The following ANKS1B variants were observed in gnomAD, a reference collection of about 807,000 sequenced individuals.
ANKS1B encodes the protein ankyrin repeat and sterile alpha motif domain containing 1B, also known as ankyrin repeat and sterile alpha motif domain-containing protein 1B.
A neutral mutation model predicts 148.3 loss-of-function variants in ANKS1B; 36 were observed. The observed-to-expected ratio is 0.24, with a 90% CI of 0.19 to 0.32. The LOEUF is 0.32. Among genes scored for constraint, ANKS1B ranks in the 10% least tolerant of loss-of-function variants. The probability of loss-of-function intolerance (pLI) is 1.00; values close to 1 mark genes in which losing one functional copy is unlikely to be tolerated. For missense variants in ANKS1B, 1,157 were observed against 1,542.6 expected, an observed-to-expected ratio of 0.75 and a Z score of 4.19; for synonymous variants, 542 against 560.8, an observed-to-expected ratio of 0.97 and a Z score of 0.47.
intron 1 of ANKS1B, among the ~76,000 whole-genome samples, chr12:99,889,925 T>A (rs1173928742): frequency 6.6e-6 from 1 of 152,158 alleles, no homozygotes; most frequent in African/African-American, 2.4e-5. Context: ...GGTGGGCCCA[T>A]TCATCTAGCA....
chr12:98,888,551 A>T (rs540113625), intron 17 of ANKS1B, among the ~76,000 whole-genome samples: 1 of 152,302 alleles, frequency 6.6e-6, no homozygotes, highest in African/African-American at 2.4e-5. Context: ...CTTTGCCACG[A>T]CCAGCAAGGC....
At chr12:98,985,626 A>G (rs976482646) in intron 17 of ANKS1B, among the ~76,000 whole-genome samples, 1 of 151,872 alleles carries the variant, frequency 6.6e-6, no homozygotes, top group Non-Finnish European at 1.5e-5. Flanking sequence ...TATTTCACAT[A>G]TAGTATAAAA....
chr12:98,841,765 T>A (rs1462603140), intron 17 of ANKS1B, among the ~76,000 whole-genome samples: 1 of 151,728 alleles, frequency 6.6e-6, no homozygotes, highest in Admixed American at 6.6e-5. Context: ...AAAAAAGGGG[T>A]AACAACAGTG....
At position 98,817,647 on chromosome 12, in the gene ANKS1B, G is replaced by T. The variant is rs564298379; in HGVS notation, c.3067-9729C>A. On this transcript the variant is annotated intron_variant, in intron 19 of 26. Transcript: ENST00000683438. Reference sequence around the variant, plus strand: ...TTAGATTCTTCTCTGCAACCACACTGTTAGCTTCTCAAGTTCCCTGTCTGT... The same window carrying T: ...TTAGATTCTTCTCTGCAACCACACTTTTAGCTTCTCAAGTTCCCTGTCTGT... 7.9e-5 allele frequency among the ~76,000 whole-genome samples: 12 copies of T among 152,304 alleles called. No individual in the cohort carries two copies. The South Asian group carries it at 2.5e-3, about 32-fold the overall frequency.
chr12:99,784,264 A>G (rs546185409), intron 4 of ANKS1B, among the ~76,000 whole-genome samples: 11 of 145,930 alleles, frequency 7.5e-5, no homozygotes, highest in African/African-American at 2.8e-4. Flanking sequence ...CTCCGCCTCC[A>G]GGGTTCACAC....
chr12:99,162,596 G>C (rs2076774228), intron 14 of ANKS1B, among the ~76,000 whole-genome samples: 1 of 151,634 alleles, frequency 6.6e-6, no homozygotes, highest in Non-Finnish European at 1.5e-5. Flanking sequence ...TTAATAAACT[G>C]GTATGTATAT....
intron 9 of ANKS1B, among the ~76,000 whole-genome samples, chr12:99,641,613 C>T (rs1181363490): frequency 6.6e-6 from 1 of 152,096 alleles, no homozygotes; most frequent in Non-Finnish European, 1.5e-5. Flanking sequence ...ACTTATCAAA[C>T]CATCATTTTT....
At chr12:99,593,357 C>G (rs1357447040) in intron 9 of ANKS1B, among the ~76,000 whole-genome samples, 2 of 151,998 alleles carry the variant, frequency 1.3e-5, no homozygotes, top group African/African-American at 2.4e-5. Context: ...TGACTGCAGT[C>G]AGAATCTTGT....
At chr12:99,651,530 T>TA (rs2098419417) in intron 9 of ANKS1B, among the ~76,000 whole-genome samples, 1 of 152,176 alleles carries the variant, frequency 6.6e-6, no homozygotes, top group South Asian at 2.1e-4. Flanking sequence ...AGTCCCTTGA[T>TA]AATCATAGAA....
chr12:99,676,693 T>G (rs1437578996), intron 8 of ANKS1B, among the ~76,000 whole-genome samples: 1 of 152,234 alleles, frequency 6.6e-6, no homozygotes, highest in Non-Finnish European at 1.5e-5. Context: ...AATGCATGCT[T>G]GCTTCTTGTT....
intron 12 of ANKS1B, among the ~76,000 whole-genome samples, chr12:99,385,271 C>A (rs906971756): frequency 6.6e-6 from 1 of 152,108 alleles, no homozygotes; most frequent in East Asian, 1.9e-4. Flanking sequence ...GAGTTCGAGA[C>A]CAGCCTGGCC....
chr12:99,041,505 G>A (rs1241941976), intron 17 of ANKS1B, among the ~76,000 whole-genome samples: 1 of 152,048 alleles, frequency 6.6e-6, no homozygotes, highest in Non-Finnish European at 1.5e-5. Context: ...AATATTGGTT[G>A]GGGTTCCTGT....
intron 12 of ANKS1B, among the ~76,000 whole-genome samples, chr12:99,248,560 TC>T (rs1187148103): frequency 6.6e-6 from 1 of 152,212 alleles, no homozygotes; most frequent in African/African-American, 2.4e-5. Flanking sequence ...TCTTGATAAC[TC>T]TCTATTTTAT....
rs143881735 is a variant in ANKS1B at position 99,584,464 on chromosome 12, T to A, written c.1272+70603A>T. The stretch of plus-strand genomic sequence containing the variant: ...AAAATACAAAAATTAGTGGGTGTGA[T>A]GCTGCATGCCTGTAGTCCCAACTAC... On this transcript the variant is annotated intron_variant, in intron 9 of 26. Transcript: ENST00000683438. Among the ~76,000 whole-genome samples, 1,087 of 152,154 alleles carry A rather than the reference T, an allele frequency of 7.1e-3. 12 individuals carry two copies. The highest frequency in any genetic ancestry group is 0.025 in the African/African-American group (1,027 of 41,508).
intron 9 of ANKS1B, among the ~76,000 whole-genome samples, chr12:99,654,330 G>A (rs984813599): frequency 1.3e-5 from 2 of 152,134 alleles, no homozygotes; most frequent in East Asian, 1.9e-4. Flanking sequence ...TTTATCTTCT[G>A]TCCTGGACTG....
At chr12:99,217,979 C>CA (rs2084491303) in intron 14 of ANKS1B, among the ~76,000 whole-genome samples, 1 of 151,930 alleles carries the variant, frequency 6.6e-6, no homozygotes, top group South Asian at 2.1e-4. Flanking sequence ...CTTCTAAGCC[C>CA]AATGTTAAGA....
intron 14 of ANKS1B, among the ~76,000 whole-genome samples, chr12:99,213,776 T>C (rs1184636319): frequency 1.3e-5 from 2 of 152,254 alleles, no homozygotes; most frequent in African/African-American, 2.4e-5. Flanking sequence ...GGTAGAACCA[T>C]TATTTGCCAA....
At chr12:98,849,499 A>G (rs2099509630) in intron 17 of ANKS1B, among the ~76,000 whole-genome samples, 1 of 152,200 alleles carries the variant, frequency 6.6e-6, no homozygotes, top group Non-Finnish European at 1.5e-5. Flanking sequence ...TATTACTAAC[A>G]TGGTGGTTTT....
At chr12:99,376,422 T>C (rs940064604) in intron 12 of ANKS1B, among the ~76,000 whole-genome samples, 3 of 152,202 alleles carry the variant, frequency 2.0e-5, no homozygotes, top group Non-Finnish European at 2.9e-5. Context: ...GTTCACTTTA[T>C]CTGGGGTGTT....
Sources: gnomAD v4.1 joint callset for allele counts (sites outside exome capture counted in the v4.1 genomes callset) on GRCh38, gnomAD v4.1.1 for gene constraint, MANE v1.5 for transcripts, NCBI Gene and HGNC (gene_info 2026-07-23, HGNC 2026-07-21) for gene names.